Variants in PGGT1B observed in about 807,000 individuals in gnomAD.
The protein encoded by PGGT1B is geranylgeranyl transferase type-1 subunit beta.
A neutral mutation model predicts 46.1 loss-of-function variants in PGGT1B; 30 were observed. The ratio of observed to expected loss-of-function variants is 0.65; its 90% CI spans 0.49 to 0.88. The LOEUF (loss-of-function observed/expected upper bound fraction) is 0.88. Ranked by LOEUF, PGGT1B falls within the 40% of genes least tolerant of loss-of-function variation. The probability of loss-of-function intolerance (pLI) is 0.00; values close to 1 mark genes in which losing one functional copy is unlikely to be tolerated. For synonymous variants in PGGT1B, 170 were observed against 160.0 expected (o/e 1.06, Z -0.47); for missense variants, 376 against 455.9 (o/e 0.82, Z 1.60).
At chr5:115,248,783 G>T (rs1463479121) in intron 2 of PGGT1B, among the ~76,000 whole-genome samples, 3 of 152,194 alleles carry the variant, frequency 2.0e-5, no homozygotes, top group African/African-American at 7.2e-5. Flanking sequence ...TCATTTGTGT[G>T]AGGTTTCAGA....
chr5:115,250,889 T>C (rs1748064544), intron 2 of PGGT1B, among the ~76,000 whole-genome samples: 1 of 152,162 alleles, frequency 6.6e-6, no homozygotes. Flanking sequence ...TACTTCTTTC[T>C]CTCATAAACA....
At chr5:115,241,933 A>G (rs1252493618) in intron 2 of PGGT1B, among the ~76,000 whole-genome samples, 1 of 152,150 alleles carries the variant, frequency 6.6e-6, no homozygotes, top group African/African-American at 2.4e-5. Context: ...CCCTTTCTAC[A>G]GAACAGAAAA....
rs777037146 is a variant in PGGT1B, at chr5:115,208,277, TG to T, written c.*4124del. ...TGTTTTTTTTCTTTTTTTGGCACTT[TG>T]AGGTTCAAGATTCTTTTCCTAGTCT... On this transcript the variant is annotated 3_prime_UTR_variant, in exon 9 of 9. Coordinates refer to ENST00000419445, the MANE Select transcript of PGGT1B (RefSeq NM_005023.4). 1 of 152,004 alleles carries T rather than the reference TG, an allele frequency of 6.6e-6. No homozygotes were observed. Among genetic ancestry groups the T allele is most frequent in the Non-Finnish European group, 1.5e-5 (1 of 67,928 alleles). The allele number at this position is 152,004 out of a possible 1,614,324, so 9.4% of individuals were successfully genotyped here.
At chr5:115,229,297 G>T (rs1336055930) in intron 6 of PGGT1B, among the ~76,000 whole-genome samples, 1 of 152,114 alleles carries the variant, frequency 6.6e-6, no homozygotes, top group Non-Finnish European at 1.5e-5. Flanking sequence ...AAAGGCTGAA[G>T]GGGCTATACT....
At chr5:115,222,147 T>C (rs1756607253) in intron 6 of PGGT1B, 139 bp from the exon 7 acceptor site, 2 of 482,194 alleles carry the variant, frequency 4.1e-6, no homozygotes, top group African/African-American at 4.1e-5. Flanking sequence ...GATGAGATTT[T>C]AAAATAACCA....
chr5:115,228,492 C>G (rs1403869900), intron 6 of PGGT1B, among the ~76,000 whole-genome samples: 1 of 151,648 alleles, frequency 6.6e-6, no homozygotes, highest in Non-Finnish European at 1.5e-5. Flanking sequence ...AGTTGGTTTG[C>G]AATTCTATTA....
Position 115,212,486 on chromosome 5 carries a change from A to G in PGGT1B, c.1050T>C (p.Thr350=). The change falls in exon 9 of 9, where the codon ACT becomes ACC. Residue 350 remains threonine, a synonymous_variant. Transcript: ENST00000419445. ...GATGGAGATCTAGAAGGCGTTCAGA[A>G]GTCCGTGTGCTTACATTCAGAGCAG... is the stretch of plus-strand genomic sequence containing the variant. ...VHPALNVSTR[T]SERLLDLHQS... The G allele has an allele frequency of 6.2e-7, 1 of 1,613,650 alleles. No individual in the cohort carries two copies. Among genetic ancestry groups the G allele is most frequent in the South Asian group, 1.1e-5 (1 of 91,068 alleles).
At chr5:115,258,059 G>C (rs979986833) in intron 1 of PGGT1B, among the ~76,000 whole-genome samples, 6 of 152,142 alleles carry the variant, frequency 3.9e-5, no homozygotes, top group Admixed American at 6.5e-5. Flanking sequence ...CATATCTGTG[G>C]AATTATTTAA....
rs989413205 is a variant in PGGT1B at position 115,216,868 on chromosome 5, G to A, written c.949C>T (p.Pro317Ser). Residue 317 changes from proline to serine, a missense_variant, in exon 8 of 9, where the codon CCA becomes TCA. Transcript: ENST00000419445. ...GATTCACAAAGAAAATAATTACCTG[G>A]ATGACTGTCTGGCCACTTGGCAAAT... ...GGFAKWPDSH[P>S]DALHAYFGIC... The A allele has an allele frequency of 6.2e-6, 9 of 1,458,748 alleles. No individual in the cohort carries two copies. In the African/African-American group the frequency reaches 1.3e-4, roughly 20 times the overall value. 90.4% of individuals were successfully genotyped at this position (1,458,748 alleles called of 1,614,324 possible).
chr5:115,235,504 G>A (rs1446113271), intron 5 of PGGT1B, among the ~76,000 whole-genome samples: 1 of 152,042 alleles, frequency 6.6e-6, no homozygotes, highest in Non-Finnish European at 1.5e-5. Flanking sequence ...GAAAACTCTG[G>A]CATATGCCAC....
chr5:115,208,836 A>C lies in PGGT1B; in HGVS notation c.*3566T>G, dbSNP rs1756139180. ...TTGATAACTGTACTAATTAATATAA[A>C]TTTCCTGTCATATTTGCATTTTATT... On this transcript the variant is annotated 3_prime_UTR_variant, in exon 9 of 9. Coordinates refer to ENST00000419445, the MANE Select transcript of PGGT1B (RefSeq NM_005023.4). The C allele has an allele frequency of 6.6e-6, 1 of 151,874 alleles. No homozygotes were observed. The highest frequency in any genetic ancestry group is 6.6e-5 in the Admixed American group (1 of 15,222). 9.4% of individuals were successfully genotyped at this position (151,874 alleles called of 1,614,324 possible). A position where few individuals can be genotyped will look rare whatever the true frequency, so the allele number is the denominator to read the frequency against.
chr5:115,229,248 C>T (rs918763868), intron 6 of PGGT1B, among the ~76,000 whole-genome samples: 4 of 152,096 alleles, frequency 2.6e-5, no homozygotes, highest in South Asian at 2.1e-4. Flanking sequence ...GACAACCTTA[C>T]CAGGGACTCC....
At chr5:115,234,058 C>G (rs1449232202) in intron 5 of PGGT1B, among the ~76,000 whole-genome samples, 1 of 151,242 alleles carries the variant, frequency 6.6e-6, no homozygotes, top group Non-Finnish European at 1.5e-5. Flanking sequence ...TGAAAAAAAC[C>G]ATGGTACATC....
chr5:115,259,506 G>C (rs1178092476), intron 1 of PGGT1B, among the ~76,000 whole-genome samples: 1 of 152,018 alleles, frequency 6.6e-6, no homozygotes, highest in Non-Finnish European at 1.5e-5. Context: ...TGGCCAACAT[G>C]GTGAAACCGC....
At chr5:115,221,563 T>A (rs1483013563) in intron 7 of PGGT1B, among the ~76,000 whole-genome samples, 1 of 151,996 alleles carries the variant, frequency 6.6e-6, no homozygotes, top group South Asian at 2.1e-4. Context: ...ATTTAATATG[T>A]TCTATGTAAG....
chr5:115,251,556 G>A (rs1748101717), intron 2 of PGGT1B, among the ~76,000 whole-genome samples: 1 of 151,992 alleles, frequency 6.6e-6, no homozygotes, highest in Non-Finnish European at 1.5e-5. Context: ...CAGAAAGTAG[G>A]AAGCATGGTG....
chr5:115,226,814 G>A (rs1436946132), intron 6 of PGGT1B, among the ~76,000 whole-genome samples: 2 of 151,932 alleles, frequency 1.3e-5, no homozygotes, highest in Non-Finnish European at 2.9e-5. Flanking sequence ...TACAGAAAAG[G>A]GAAATTTTGC....
At chr5:115,257,530 C>CAAAAAAAAAAA (rs1169870044) in intron 1 of PGGT1B, among the ~76,000 whole-genome samples, 1 of 72,082 alleles carries the variant, frequency 1.4e-5, no homozygotes, top group Non-Finnish European at 2.6e-5. Context: ...AACTCCATCT[C>CAAAAAAAAAAA]AAAAAAAAAA....
chr5:115,231,361 G>A (rs1442064460), intron 5 of PGGT1B, among the ~76,000 whole-genome samples: 1 of 151,964 alleles, frequency 6.6e-6, no homozygotes, highest in African/African-American at 2.4e-5. Flanking sequence ...GGAGGAAAAT[G>A]TAAGGATTTC....
Sources: gnomAD v4.1 joint callset for allele counts (sites outside exome capture counted in the v4.1 genomes callset) on GRCh38, gnomAD v4.1.1 for gene constraint, MANE v1.5 for transcripts, NCBI Gene and HGNC (gene_info 2026-07-23, HGNC 2026-07-21) for gene names.